The following SNX29 variants were observed in gnomAD, a reference collection of about 807,000 sequenced individuals.
SNX29 encodes sorting nexin-29.
A neutral mutation model predicts 102.1 loss-of-function variants in SNX29; 78 were observed. The observed-to-expected ratio is 0.76, with a 90% CI of 0.64 to 0.92. The LOEUF (loss-of-function observed/expected upper bound fraction) is 0.92, where lower values mean the gene tolerates loss of function less well. SNX29 is among the 40% of genes least tolerant of loss of function. The pLI is 0.00. For missense variants in SNX29, 1,280 were observed against 1,061.7 expected, an observed-to-expected ratio of 1.21 and a Z score of -2.86; for synonymous variants, 580 against 414.5, an observed-to-expected ratio of 1.40 and a Z score of -4.85.
chr16:12,415,431 C>G (rs986600825), intron 18 of SNX29, among the ~76,000 whole-genome samples: 1 of 152,366 alleles, frequency 6.6e-6, no homozygotes, highest in East Asian at 1.9e-4. Flanking sequence ...TGGATGAGGC[C>G]TTGTAATTAC....
chr16:12,004,739 C>A (rs1371539422), intron 3 of SNX29, among the ~76,000 whole-genome samples: 1 of 152,166 alleles, frequency 6.6e-6, no homozygotes, highest in Non-Finnish European at 1.5e-5. Context: ...GCATGTAGAC[C>A]TTCCTGGAAT....
chr16:12,018,110 T>A (rs984236269), intron 3 of SNX29, among the ~76,000 whole-genome samples: 6 of 152,110 alleles, frequency 3.9e-5, no homozygotes, highest in African/African-American at 1.4e-4. Flanking sequence ...TTCCTGCATT[T>A]GTTATTGGAA....
chr16:12,573,042 T>G lies in SNX29; in HGVS notation c.*4413T>G. ...TTTTTAGATTGGCGTCCGTGCTAATTCTGCAGTTGTAGCACTGTATATTTT... is the reference window on the plus strand; with the variant it reads ...TTTTTAGATTGGCGTCCGTGCTAATGCTGCAGTTGTAGCACTGTATATTTT... On this transcript the variant is annotated 3_prime_UTR_variant, in exon 21 of 21. Coordinates refer to ENST00000566228, the MANE Select transcript of SNX29 (RefSeq NM_032167.5). 1 of 242,230 alleles carries G rather than the reference T, an allele frequency of 4.1e-6. No homozygotes were observed. The highest frequency in any genetic ancestry group is 7.9e-6 in the Non-Finnish European group (1 of 127,284). 15.0% of individuals were successfully genotyped at this position (242,230 alleles called of 1,614,324 possible). A position where few individuals can be genotyped will look rare whatever the true frequency, so the allele number is the denominator to read the frequency against.
chr16:12,472,793 T>G (rs1401219250), intron 18 of SNX29, among the ~76,000 whole-genome samples: 2 of 152,164 alleles, frequency 1.3e-5, no homozygotes, highest in East Asian at 1.9e-4. Context: ...CCTCCACTGT[T>G]ATTACAGACA....
At chr16:12,127,953 G>T (rs143327649) in intron 12 of SNX29, among the ~76,000 whole-genome samples, 2 of 152,024 alleles carry the variant, frequency 1.3e-5, no homozygotes, top group East Asian at 1.9e-4. Context: ...GTGGGGAGAG[G>T]GGGGTGTGTG....
At position 12,559,071 on chromosome 16, in the gene SNX29, G is replaced by A. The variant is rs567346426; in HGVS notation, c.2319-9435G>A. On this transcript the variant is annotated intron_variant, in intron 20 of 20. Transcript: ENST00000566228. ...CGTAACTGCAATGTAGAGGTCTACC[G>A]CTGTGTCCCCGTGCTCCTTAGTCTA... Among the ~76,000 whole-genome samples the A allele has an allele frequency of 3.9e-4, 60 of 152,248 alleles. No homozygotes were observed. In the South Asian group the frequency reaches 0.011, roughly 27 times the overall value.
intron 11 of SNX29, among the ~76,000 whole-genome samples, chr16:12,118,069 C>G (rs574213847): frequency 6.6e-6 from 1 of 152,062 alleles, no homozygotes; most frequent in Non-Finnish European, 1.5e-5. Flanking sequence ...TGTACTTCAG[C>G]CTGGGCGACA....
At chr16:12,016,298 A>G in intron 3 of SNX29, among the ~76,000 whole-genome samples, 1 of 150,396 alleles carries the variant, frequency 6.6e-6, no homozygotes. Flanking sequence ...CTTAAGCATC[A>G]TTTTTTTTTT....
intron 18 of SNX29, among the ~76,000 whole-genome samples, chr16:12,417,698 T>C (rs528666373): frequency 1.3e-5 from 2 of 151,388 alleles, no homozygotes; most frequent in East Asian, 3.9e-4. Flanking sequence ...TTCTGTGTCC[T>C]CTCTTCTCTT....
intron 19 of SNX29, among the ~76,000 whole-genome samples, chr16:12,494,250 C>G (rs2088696474): frequency 1.3e-5 from 2 of 152,166 alleles, no homozygotes; most frequent in Non-Finnish European, 2.9e-5. Context: ...ACACTAGACC[C>G]CACCATCTCT....
At chr16:12,548,283 G>A (rs759805650) in intron 20 of SNX29, among the ~76,000 whole-genome samples, 1 of 152,198 alleles carries the variant, frequency 6.6e-6, no homozygotes, top group African/African-American at 2.4e-5. Flanking sequence ...TGACTGGGAA[G>A]GCTGGAAGCT....
At chr16:12,289,517 G>T (rs926373368) in intron 15 of SNX29, among the ~76,000 whole-genome samples, 1 of 151,990 alleles carries the variant, frequency 6.6e-6, no homozygotes, top group Admixed American at 6.6e-5. Flanking sequence ...CGGTGGTGGC[G>T]CTGGGCCCTG....
At chr16:12,062,936 G>A (rs1168979945) in intron 9 of SNX29, among the ~76,000 whole-genome samples, 1 of 152,114 alleles carries the variant, frequency 6.6e-6, no homozygotes, top group Non-Finnish European at 1.5e-5. Flanking sequence ...CTGAGCGTCA[G>A]CATTCCTGGC....
chr16:12,389,577 C>G (rs927680655), intron 16 of SNX29, among the ~76,000 whole-genome samples: 1 of 152,072 alleles, frequency 6.6e-6, no homozygotes, highest in Non-Finnish European at 1.5e-5. Context: ...TTATAATTAC[C>G]TTTATTAGCA....
intron 19 of SNX29, among the ~76,000 whole-genome samples, chr16:12,500,541 T>G (rs958449292): frequency 1.3e-5 from 2 of 152,270 alleles, no homozygotes; most frequent in African/African-American, 4.8e-5. Flanking sequence ...AATATTTTCA[T>G]GCATTGGTGC....
At chr16:12,156,187 T>C (rs1163768774) in intron 13 of SNX29, among the ~76,000 whole-genome samples, 1 of 152,152 alleles carries the variant, frequency 6.6e-6, no homozygotes, top group East Asian at 1.9e-4. Flanking sequence ...TTTTATTTTA[T>C]TTTTGAGATG....
intron 13 of SNX29, among the ~76,000 whole-genome samples, chr16:12,180,106 A>T (rs1477337783): frequency 1.3e-5 from 2 of 151,364 alleles, no homozygotes; most frequent in Non-Finnish European, 2.9e-5. Flanking sequence ...TTTTCTGTTC[A>T]TCTTATTTAC....
chr16:12,573,463 G>T lies in SNX29; in HGVS notation c.*4834G>T, dbSNP rs1429981086. 1 of 224,386 alleles carries T rather than the reference G, an allele frequency of 4.5e-6. No individual in the cohort carries two copies. The highest frequency in any genetic ancestry group is 5.7e-5 in the Admixed American group (1 of 17,486). 13.9% of individuals were successfully genotyped at this position (224,386 alleles called of 1,614,324 possible). A position where few individuals can be genotyped will look rare whatever the true frequency, so the allele number is the denominator to read the frequency against. On this transcript the variant is annotated 3_prime_UTR_variant, in exon 21 of 21. Transcript: ENST00000566228. ...ATAGTTGAGCCTATGACATTAAGGAGCAGCGCTGCTGGCGGAAGATTCTAG... is the reference window on the plus strand; with the variant it reads ...ATAGTTGAGCCTATGACATTAAGGATCAGCGCTGCTGGCGGAAGATTCTAG...
intron 18 of SNX29, among the ~76,000 whole-genome samples, chr16:12,448,496 T>G (rs534117368): frequency 6.6e-6 from 1 of 151,318 alleles, no homozygotes; most frequent in Admixed American, 6.6e-5. Context: ...GGCCACCAAG[T>G]CAGTGATCCT....
Sources: gnomAD v4.1 joint callset for allele counts (sites outside exome capture counted in the v4.1 genomes callset) on GRCh38, gnomAD v4.1.1 for gene constraint, MANE v1.5 for transcripts, NCBI Gene and HGNC (gene_info 2026-07-23, HGNC 2026-07-21) for gene names.